The following SSBP3 variants were observed in gnomAD, a reference collection of about 807,000 sequenced individuals.
SSBP3 encodes single stranded DNA binding protein 3, also known as single-stranded DNA-binding protein 3.
In SSBP3, 5 loss-of-function variants were observed where a neutral mutation model predicts 69.6. The observed-to-expected ratio is 0.07, with a 90% CI of 0.04 to 0.15. The LOEUF is 0.15. Ranked by LOEUF, SSBP3 falls within the 10% of genes least tolerant of loss-of-function variation. The probability of loss-of-function intolerance (pLI) is 1.00; values close to 1 mark genes in which losing one functional copy is unlikely to be tolerated. For synonymous variants in SSBP3, 196 were observed against 193.4 expected (o/e 1.01, Z -0.11); for missense variants, 312 against 534.0 (o/e 0.58, Z 4.10).
intron 1 of SSBP3, chr1:54,405,376 C>A (rs980346047): frequency 2.8e-5 from 5 of 181,316 alleles, no homozygotes; most frequent in Non-Finnish European, 3.6e-5. Flanking sequence ...TCCCCCCAAA[C>A]AACTGTGCCC....
intron 4 of SSBP3, among the ~76,000 whole-genome samples, chr1:54,325,785 G>A (rs1646290857): frequency 1.3e-5 from 2 of 152,132 alleles, no homozygotes; most frequent in Admixed American, 6.6e-5. Context: ...ATTCATTAGA[G>A]GCGCTACTGT....
At chr1:54,244,195 C>G (rs766615810) in intron 9 of SSBP3, among the ~76,000 whole-genome samples, 16 of 152,146 alleles carry the variant, frequency 1.1e-4, no homozygotes, top group Admixed American at 7.9e-4. Context: ...CCTCCACCTC[C>G]CAGGTTCAAG....
chr1:54,228,678 A>G, intron 15 of SSBP3, 70 bp downstream of exon 15: 1 of 1,525,868 alleles, frequency 6.6e-7, no homozygotes. Context: ...AGCCCAGCTG[A>G]GCCAGGAGCT....
At chr1:54,327,427 C>A (rs1646330142) in intron 4 of SSBP3, among the ~76,000 whole-genome samples, 1 of 152,164 alleles carries the variant, frequency 6.6e-6, no homozygotes, top group Non-Finnish European at 1.5e-5. Context: ...CCACTTCCCC[C>A]TCTGCAATCT....
chr1:54,310,732 T>C (rs1469983943), intron 4 of SSBP3, among the ~76,000 whole-genome samples: 1 of 152,232 alleles, frequency 6.6e-6, no homozygotes, highest in Non-Finnish European at 1.5e-5. Flanking sequence ...GTTCCAACTC[T>C]GTGCTTCCAC....
At chr1:54,298,799 C>T (rs570831737) in intron 4 of SSBP3, among the ~76,000 whole-genome samples, 19 of 152,266 alleles carry the variant, frequency 1.2e-4, no homozygotes, top group Middle Eastern at 3.4e-3. Flanking sequence ...CCATGGTCAG[C>T]GTGTGCAAAC....
rs532758405 is a variant in SSBP3 at position 54,229,600 on chromosome 1, A to G, written c.928-774T>C. On this transcript the variant is annotated intron_variant, in intron 14 of 17. Transcript: ENST00000610401. ...ATAAGAGTCGATTCTACCCACCCAC[A>G]AGCCTATCTGGAACTATCAAACCCT... is the stretch of plus-strand genomic sequence containing the variant. 2.0e-4 allele frequency among the ~76,000 whole-genome samples: 31 copies of G among 152,294 alleles called. No homozygotes were observed. In the South Asian group the frequency reaches 4.6e-3, roughly 22 times the overall value.
chr1:54,268,484 TTA>T (rs1293659038), intron 5 of SSBP3, among the ~76,000 whole-genome samples: 3 of 152,000 alleles, frequency 2.0e-5, no homozygotes, highest in Non-Finnish European at 4.4e-5. Flanking sequence ...CCCCCGACAG[TTA>T]TAAAAAGTAA....
chr1:54,327,576 T>TTCTC (rs761987894), intron 4 of SSBP3, among the ~76,000 whole-genome samples: 14 of 152,070 alleles, frequency 9.2e-5, no homozygotes, highest in Non-Finnish European at 1.9e-4. Context: ...TTCTTTCCCT[T>TTCTC]TCTCTCTCTC....
intron 7 of SSBP3, among the ~76,000 whole-genome samples, chr1:54,255,164 G>GC (rs1473044587): frequency 7.2e-6 from 1 of 138,954 alleles, no homozygotes; most frequent in Non-Finnish European, 1.6e-5. Context: ...GGGGCGGGGG[G>GC]GGGGGTGGTT....
chr1:54,324,777 C>T (rs759253210), intron 4 of SSBP3, among the ~76,000 whole-genome samples: 1 of 152,180 alleles, frequency 6.6e-6, no homozygotes. Context: ...CCAGTGGCCC[C>T]GCTGTGATTT....
chr1:54,325,645 G>C (rs537393894), intron 4 of SSBP3, among the ~76,000 whole-genome samples: 45 of 152,222 alleles, frequency 3.0e-4, no homozygotes, highest in African/African-American at 1.0e-3. Context: ...TCAATTATTG[G>C]ATTAATTTAT....
intron 4 of SSBP3, among the ~76,000 whole-genome samples, chr1:54,293,251 A>C (rs1349703021): frequency 6.6e-6 from 1 of 151,962 alleles, no homozygotes; most frequent in African/African-American, 2.4e-5. Flanking sequence ...CCAAGAACAC[A>C]CACATCGCTT....
At chr1:54,379,744 T>C (rs1647468920) in intron 4 of SSBP3, among the ~76,000 whole-genome samples, 1 of 152,284 alleles carries the variant, frequency 6.6e-6, no homozygotes, top group East Asian at 1.9e-4. Context: ...CACCCACTCC[T>C]TGCCCGAGCC....
chr1:54,311,836 A>T (rs1385859219), intron 4 of SSBP3, among the ~76,000 whole-genome samples: 1 of 152,146 alleles, frequency 6.6e-6, no homozygotes, highest in African/African-American at 2.4e-5. Context: ...GACTCTACCC[A>T]AAGCAAGCTC....
rs548432944 is a variant in SSBP3, at chr1:54,365,683, T to C, written c.276+36178A>G. On this transcript the variant is annotated intron_variant, in intron 4 of 17. Transcript: ENST00000610401. ...GCAGTCACCCTACCCAGCTCCGTCA[T>C]GAACGGCCATACCCCCTCACCTGGA... Among the ~76,000 whole-genome samples the C allele has an allele frequency of 7.2e-5, 11 of 152,260 alleles. No individual in the cohort carries two copies. The South Asian group carries it at 1.5e-3, about 20-fold the overall frequency.
At chr1:54,344,973 C>T (rs572943728) in intron 4 of SSBP3, among the ~76,000 whole-genome samples, 14 of 152,366 alleles carry the variant, frequency 9.2e-5, no homozygotes, top group Non-Finnish European at 1.9e-4. Context: ...TTTTTCCTCA[C>T]AGCACTGAGG....
intron 13 of SSBP3, among the ~76,000 whole-genome samples, chr1:54,240,246 G>A (rs930842953): frequency 6.6e-6 from 1 of 151,472 alleles, no homozygotes; most frequent in African/African-American, 2.4e-5. Flanking sequence ...ATCACCTGAG[G>A]TCAGGAGTTC....
intron 3 of SSBP3, among the ~76,000 whole-genome samples, chr1:54,404,017 G>T (rs1457318590): frequency 2.2e-5 from 3 of 135,408 alleles, no homozygotes; most frequent in Admixed American, 7.4e-5. Flanking sequence ...TGGTTTTAGT[G>T]GGGGAGGGGG....
Sources: gnomAD v4.1 joint callset for allele counts (sites outside exome capture counted in the v4.1 genomes callset) on GRCh38, gnomAD v4.1.1 for gene constraint, MANE v1.5 for transcripts, NCBI Gene and HGNC (gene_info 2026-07-23, HGNC 2026-07-21) for gene names.